CSF1: variants seen among roughly 807,000 people sequenced by gnomAD.
CSF1 encodes macrophage colony-stimulating factor 1.
Under a neutral mutation model 48.9 loss-of-function variants are expected in CSF1, and 9 were observed. That is an observed-to-expected ratio of 0.18 (90% CI 0.11 to 0.32). The LOEUF (loss-of-function observed/expected upper bound fraction) is 0.32. Among genes scored for constraint, CSF1 ranks in the 10% least tolerant of loss-of-function variants. The pLI is 1.00. For synonymous variants in CSF1, 305 were observed against 284.1 expected (o/e 1.07, Z -0.74); for missense variants, 672 against 697.9 (o/e 0.96, Z 0.42).
intron 8 of CSF1, among the ~76,000 whole-genome samples, chr1:109,927,072 CAACT>C (rs1256229453): frequency 3.3e-5 from 5 of 152,210 alleles, no homozygotes; most frequent in Admixed American, 6.5e-5. Context: ...ACTAACCAAC[CAACT>C]ATCTTGGTAA....
At position 109,914,242 on chromosome 1, in the gene CSF1, C is replaced by G; in HGVS notation, c.40-17C>G. On this transcript the variant is annotated splice_polypyrimidine_tract_variant and intron_variant, in intron 1 of 8. Transcript: ENST00000329608. ...GAGAGTGAGACCTGGGGAGAAATGA[C>G]ACCCTCTCTGTCACAGACATGGCTG... 6.3e-7 allele frequency: 1 copy of G among 1,585,160 alleles called. No homozygotes were observed. Among genetic ancestry groups the G allele is most frequent in the African/African-American group, 1.3e-5 (1 of 74,458 alleles).
intron 4 of CSF1, among the ~76,000 whole-genome samples, chr1:109,918,887 G>A (rs965282898): frequency 6.6e-5 from 10 of 152,048 alleles, no homozygotes; most frequent in African/African-American, 1.9e-4. Context: ...CACTGCCACT[G>A]TGAGAAGAGA....
At chr1:109,917,703 C>T (rs1647298229) in intron 4 of CSF1, among the ~76,000 whole-genome samples, 1 of 152,192 alleles carries the variant, frequency 6.6e-6, no homozygotes, top group Non-Finnish European at 1.5e-5. Context: ...AGCTTATAGT[C>T]AAGTGAGCTT....
At chr1:109,912,861 C>T (rs1019291446) in intron 1 of CSF1, among the ~76,000 whole-genome samples, 2 of 152,160 alleles carry the variant, frequency 1.3e-5, no homozygotes, top group Non-Finnish European at 2.9e-5. Context: ...CCCCCAGCCC[C>T]CGTGACTGCC....
chr1:109,911,101 G>C, intron 1 of CSF1, 39 bp downstream of exon 1: 1 of 1,010,846 alleles, frequency 9.9e-7, no homozygotes, highest in Non-Finnish European at 1.2e-6. Context: ...GGACGGGCTG[G>C]GGCGGGGGCT....
intron 8 of CSF1, among the ~76,000 whole-genome samples, chr1:109,927,346 A>G (rs904094625): frequency 1.3e-5 from 2 of 152,200 alleles, no homozygotes; most frequent in South Asian, 2.1e-4. Context: ...CAGTAACAAC[A>G]TATCTGGAAT....
At chr1:109,924,477 G>A (rs1647747721) in intron 6 of CSF1, among the ~76,000 whole-genome samples, 1 of 152,152 alleles carries the variant, frequency 6.6e-6, no homozygotes, top group Non-Finnish European at 1.5e-5. Context: ...GGAGCTGGAG[G>A]AGGAGAGCAA....
rs1195614115 is a variant in CSF1 at position 109,924,115 on chromosome 1, C to T, written c.1494C>T (p.Phe498=). The T allele has an allele frequency of 3.7e-6, 6 of 1,614,084 alleles. No homozygotes were observed. Among genetic ancestry groups the T allele is most frequent in the Admixed American group, 1.7e-5 (1 of 60,012 alleles). The change falls in exon 6 of 9, where the codon TTC becomes TTT. Residue 498 remains phenylalanine, a synonymous_variant. Coordinates refer to ENST00000329608, the MANE Select transcript of CSF1 (RefSeq NM_000757.6). ...GCCCGCAGCTCCAGGAGTCTGTCTT[C>T]CACCTGCTGGTGCCCAGTGTCATCC... is the stretch of plus-strand genomic sequence containing the variant. The part of the protein sequence containing the change: ...SFSPQLQESV[F]HLLVPSVILV...
In CSF1 at chr1:109,917,332, G is replaced by A; in HGVS notation, c.265G>A (p.Val89Ile). ...VCYLKKAFLL[V>I]QDIMEDTMRF... ...CTACCTTAAGAAGGCATTTCTCCTGGTACAAGACATAATGGAGGACACCAT... is the reference window on the plus strand; with the variant it reads ...CTACCTTAAGAAGGCATTTCTCCTGATACAAGACATAATGGAGGACACCAT... The change falls in exon 4 of 9, where the codon GTA (valine) becomes ATA (isoleucine). Residue 89 changes from valine to isoleucine, a missense_variant. Physicochemically the swap from Val to Ile is conservative, Grantham distance 29. Around this residue, in one of 3 missense-constraint regions of CSF1, gnomAD observed 591 missense variants for 593.6 expected, o/e 1.00. Transcript: ENST00000329608. The A allele has an allele frequency of 6.2e-7, 1 of 1,614,150 alleles. No individual in the cohort carries two copies. The highest frequency in any genetic ancestry group is 8.5e-7 in the Non-Finnish European group (1 of 1,180,036).
In CSF1 at chr1:109,917,454, G is replaced by A. The variant is rs773327885; in HGVS notation, c.387G>A (p.Glu129=). 4.3e-6 allele frequency: 7 copies of A among 1,614,080 alleles called. No homozygotes were observed. In the East Asian group the frequency reaches 1.1e-4, roughly 26 times the overall value. Residue 129 remains glutamate (E), a synonymous_variant, in exon 4 of 9, where the codon GAG becomes GAA. Coordinates refer to ENST00000329608, the MANE Select transcript of CSF1 (RefSeq NM_000757.6). ...LKSCFTKDYE[E]HDKACVRTFY... Reference sequence around the variant, plus strand: ...GCTGCTTCACCAAGGATTATGAAGAGCATGACAAGGTAGGAAGCCCTGAGG... The same window carrying A: ...GCTGCTTCACCAAGGATTATGAAGAACATGACAAGGTAGGAAGCCCTGAGG...
chr1:109,929,400 G>T lies in CSF1; in HGVS notation c.*562G>T, dbSNP rs540475617. The stretch of plus-strand genomic sequence containing the variant: ...GCAGCCTGAGAGACGGGAAGAGGAG[G>T]CCTCTGGACCTGCTGGTCTGCACTG... On this transcript the variant is annotated 3_prime_UTR_variant, in exon 9 of 9. Transcript: ENST00000329608. The T allele has an allele frequency of 1.3e-5, 2 of 152,728 alleles. No homozygotes were observed. The highest frequency in any genetic ancestry group is 6.5e-5 in the Admixed American group (1 of 15,306). The allele number at this position is 152,728 out of a possible 1,614,324, so 9.5% of individuals were successfully genotyped here.
chr1:109,911,057 C>G lies in CSF1; in HGVS notation c.34C>G (p.Pro12Ala). 2 of 1,111,958 alleles carry G rather than the reference C, an allele frequency of 1.8e-6. No individual in the cohort carries two copies. The highest frequency in any genetic ancestry group is 2.2e-6 in the Non-Finnish European group (2 of 912,158). 68.9% of individuals were successfully genotyped at this position (1,111,958 alleles called of 1,614,324 possible). Residue 12 changes from proline to alanine, a missense_variant, in exon 1 of 9, where the codon CCC (proline) becomes GCC (alanine). Pro to Ala is a conservative substitution (Grantham distance 27). Coordinates refer to ENST00000329608, the MANE Select transcript of CSF1 (RefSeq NM_000757.6). ...TAPGAAGRCP[P>A]TTWLGSLLLL... Reference sequence around the variant, plus strand: ...GCCGGGCGCCGCCGGGCGCTGCCCTCCCACGGTAAGCGACGGCCGCGGCGC... The same window carrying G: ...GCCGGGCGCCGCCGGGCGCTGCCCTGCCACGGTAAGCGACGGCCGCGGCGC...
chr1:109,924,818 C>A lies in CSF1; in HGVS notation c.1612C>A (p.Pro538Thr). ...PQRADSPLEQ[P>T]EGSPLTQDDR... ...GAGAGCGGATTCTCCCTTGGAGCAA[C>A]CAGAGGGCAGGTGAGAGCTTGAGGT... The change falls in exon 7 of 9, where the codon CCA (proline) becomes ACA (threonine). Residue 538 changes from proline to threonine, a missense_variant. By Grantham distance (38) the Pro-to-Thr change is conservative. Coordinates refer to ENST00000329608, the MANE Select transcript of CSF1 (RefSeq NM_000757.6). 1 of 1,605,636 alleles carries A rather than the reference C, an allele frequency of 6.2e-7. No individual in the cohort carries two copies. The highest frequency in any genetic ancestry group is 1.1e-5 in the South Asian group (1 of 89,418).
At chr1:109,925,124 C>G (rs1319447543) in intron 7 of CSF1, 23 bp from the exon 8 acceptor site, 2 of 1,611,346 alleles carry the variant, frequency 1.2e-6, no homozygotes, top group East Asian at 2.2e-5. Context: ...ATGTCTAATA[C>G]CAGCCCTGTG....
chr1:109,925,294 C>T, intron 8 of CSF1, 92 bp downstream of exon 8: 1 of 1,042,678 alleles, frequency 9.6e-7, no homozygotes. Flanking sequence ...TCCCCTGAGG[C>T]CCCCACACTG....
rs551963330 is a variant in CSF1 at position 109,911,393 on chromosome 1, C to T, written c.39+331C>T. On this transcript the variant is annotated intron_variant, in intron 1 of 8. Coordinates refer to ENST00000329608, the MANE Select transcript of CSF1 (RefSeq NM_000757.6). ...GCCCTGCCTCTCTCCCTACCCGCCA[C>T]CACCAAGGCACGGGCGGAGTGGCTG... is the stretch of plus-strand genomic sequence containing the variant. 4.6e-3 allele frequency among the ~76,000 whole-genome samples: 699 copies of T among 152,346 alleles called. 5 individuals are homozygous for T. Among genetic ancestry groups the T allele is most frequent in the Non-Finnish European group, 7.4e-3 (501 of 68,026 alleles).
chr1:109,922,369 A>G (rs1259668964), intron 5 of CSF1: 4 of 180,370 alleles, frequency 2.2e-5, no homozygotes, highest in Non-Finnish European at 1.1e-5. Context: ...CTGTGGAGAC[A>G]GCTGACACCC....
chr1:109,922,248 A>C, intron 5 of CSF1: 1 of 369,100 alleles, frequency 2.7e-6, no homozygotes, highest in Non-Finnish European at 4.8e-6. Context: ...AAGAAGGATC[A>C]TGCTGGTGCC....
rs1356794802 is a variant in CSF1 at position 109,929,562 on chromosome 1, C to T, written c.*724C>T. 1.3e-5 allele frequency: 2 copies of T among 153,202 alleles called. No individual in the cohort carries two copies. The highest frequency in any genetic ancestry group is 2.9e-5 in the Non-Finnish European group (2 of 68,498). 9.5% of individuals were successfully genotyped at this position (153,202 alleles called of 1,614,324 possible). ...CAAGAGGGGGATCAAGCACTGGCCT[C>T]TGCCCCTCCTCCTTCCAGCACCTGC... is the stretch of plus-strand genomic sequence containing the variant. On this transcript the variant is annotated 3_prime_UTR_variant, in exon 9 of 9. Coordinates refer to ENST00000329608, the MANE Select transcript of CSF1 (RefSeq NM_000757.6).
Sources: allele counts gnomAD v4.1 joint callset (sites outside exome capture counted in the v4.1 genomes callset), GRCh38; gene constraint gnomAD v4.1.1; regional missense constraint gnomAD v4.1.1; transcripts MANE v1.5; gene names NCBI Gene and HGNC (gene_info 2026-07-23, HGNC 2026-07-21).